The following TMEM40 variants were observed in gnomAD, a reference collection of about 807,000 sequenced individuals.
TMEM40 encodes transmembrane protein 40.
TMEM40 carries 34 observed loss-of-function variants against 40.8 expected under a neutral mutation model. That is an observed-to-expected ratio of 0.83 (90% CI 0.63 to 1.11). The LOEUF is 1.11. Ranked by LOEUF, TMEM40 falls within the 50% of genes least tolerant of loss-of-function variation. The pLI is 0.00. For synonymous variants in TMEM40, 106 were observed against 107.0 expected (o/e 0.99, Z 0.06); for missense variants, 296 against 280.2 (o/e 1.06, Z -0.40).
chr3:12,736,492 T>C, intron 10 of TMEM40, 86 bp downstream of exon 10: 2 of 1,482,650 alleles, frequency 1.3e-6, no homozygotes, highest in Non-Finnish European at 1.8e-6. Context: ...CTCTGGTCCA[T>C]ACTTGAATGA....
chr3:12,738,736 G>C, intron 5 of TMEM40, 148 bp from the exon 6 acceptor site: 1 of 763,358 alleles, frequency 1.3e-6, no homozygotes, highest in South Asian at 1.6e-5. Flanking sequence ...GAGGGTTCCT[G>C]TTCCAACTAA....
rs1450788139 is a variant in TMEM40, at chr3:12,736,799, A to AT, written c.508dup (p.Ile170AsnfsTer56). 6 of 1,614,128 alleles carry AT rather than the reference A, an allele frequency of 3.7e-6. No individual in the cohort carries two copies. The highest frequency in any genetic ancestry group is 5.1e-6 in the Non-Finnish European group (6 of 1,180,032). On this transcript the variant is annotated frameshift_variant, in exon 9 of 12. Coordinates refer to ENST00000314124, the MANE Select transcript of TMEM40 (RefSeq NM_018306.4). LOFTEE classifies it high-confidence loss of function. ...GTGATAACACACCAGCAAGGCCCCG[A>AT]TGGCAAAGCACAGGAGGACGAAATG...
At chr3:12,755,229 C>CCCTTTCTT (rs2061514645) in intron 1 of TMEM40, among the ~76,000 whole-genome samples, 1 of 65,504 alleles carries the variant, frequency 1.5e-5, no homozygotes, top group African/African-American at 6.5e-5. Flanking sequence ...CTCTCTCTCT[C>CCCTTTCTT]TCTCTCTTTC....
chr3:12,748,770 C>T lies in TMEM40; in HGVS notation c.96G>A (p.Lys32=). ...DVDYGETDFH[K]QDGKAGLFSQ... ...AAAAGAGTCCAGCCTTCCCATCTTG[C>T]TTGTGGAAATCTGTCTCTCCATCTA... Residue 32 remains lysine (K), a synonymous_variant, in exon 3 of 12, where the codon AAG becomes AAA. Coordinates refer to ENST00000314124, the MANE Select transcript of TMEM40 (RefSeq NM_018306.4). 1.2e-6 allele frequency: 2 copies of T among 1,614,100 alleles called. No individual in the cohort carries two copies. Among genetic ancestry groups the T allele is most frequent in the Middle Eastern group, 1.7e-4 (1 of 6,052 alleles).
chr3:12,745,226 ATTTTTTTTT>A (rs144839288), intron 3 of TMEM40, among the ~76,000 whole-genome samples: 3 of 127,142 alleles, frequency 2.4e-5, no homozygotes, highest in African/African-American at 9.4e-5. Flanking sequence ...CACCTGGCTA[ATTTTTTTTT>A]TTTTTTTTTT....
chr3:12,759,944 T>G (rs2061557347), upstream of TMEM40, among the ~76,000 whole-genome samples: 1 of 149,270 alleles, frequency 6.7e-6, no homozygotes, highest in Non-Finnish European at 1.5e-5. Flanking sequence ...AAACAAGTCC[T>G]ACCACGGGAG....
chr3:12,763,887 C>A (rs1237099312), upstream of TMEM40, among the ~76,000 whole-genome samples: 1 of 152,050 alleles, frequency 6.6e-6, no homozygotes, highest in Non-Finnish European at 1.5e-5. Context: ...CACCCAGGAG[C>A]CTGGTTCTTT....
At chr3:12,745,527 T>C (rs2106613035) in intron 3 of TMEM40, among the ~76,000 whole-genome samples, 1 of 152,144 alleles carries the variant, frequency 6.6e-6, no homozygotes, top group South Asian at 2.1e-4. Flanking sequence ...GGGCTTACTG[T>C]AGCCTTGACC....
chr3:12,748,576 G>T, intron 3 of TMEM40, 79 bp downstream of exon 3: 2 of 1,531,304 alleles, frequency 1.3e-6, no homozygotes, highest in South Asian at 1.2e-5. Flanking sequence ...GTACTTCAAT[G>T]ACTTCAAGTA....
intron 1 of TMEM40, among the ~76,000 whole-genome samples, chr3:12,755,223 CTCTCTCTCTCTCTTTCTTTCTT>C (rs1559533268): frequency 2.3e-5 from 2 of 85,732 alleles, no homozygotes; most frequent in African/African-American, 1.4e-4. Context: ...TTCTCTCTCT[CTCTCTCTCTCTCTTTCTTTCTT>C]TCTTTCTTTC....
intron 8 of TMEM40, chr3:12,737,477 T>C (rs2061346202): frequency 1.7e-6 from 1 of 592,278 alleles, no homozygotes; most frequent in Non-Finnish European, 3.0e-6. Context: ...GCCACTCCAC[T>C]CACAAGCTGT....
chr3:12,737,900 A>G (rs2061349491), intron 7 of TMEM40, 146 bp from the exon 8 acceptor site: 1 of 955,952 alleles, frequency 1.0e-6, no homozygotes, highest in East Asian at 2.6e-5. Flanking sequence ...CAAACTGTGA[A>G]GATGGGGGTA....
chr3:12,754,261 G>A (rs976851023), intron 1 of TMEM40, among the ~76,000 whole-genome samples: 24 of 152,120 alleles, frequency 1.6e-4, no homozygotes, highest in Non-Finnish European at 3.2e-4. Flanking sequence ...GCAGTGAGCC[G>A]AGACCGCACC....
intron 10 of TMEM40, among the ~76,000 whole-genome samples, chr3:12,735,990 T>G (rs1387162612): frequency 6.6e-6 from 1 of 151,764 alleles, no homozygotes; most frequent in African/African-American, 2.4e-5. Flanking sequence ...ATCTCCTGAG[T>G]AACTGGAATT....
intron 1 of TMEM40, among the ~76,000 whole-genome samples, chr3:12,752,721 C>G (rs2061488104): frequency 6.6e-6 from 1 of 151,942 alleles, no homozygotes; most frequent in Non-Finnish European, 1.5e-5. Flanking sequence ...TCACTTGAAC[C>G]CCGGAGGCAG....
At chr3:12,759,862 G>C (rs904371068), upstream of TMEM40, among the ~76,000 whole-genome samples, 14 of 152,096 alleles carry the variant, frequency 9.2e-5, no homozygotes, top group African/African-American at 2.9e-4. Flanking sequence ...ACACAGCCGA[G>C]GGCAGGGCCC....
At chr3:12,768,832 C>T (rs963687070) in intron 1 of TMEM40, among the ~76,000 whole-genome samples, 17 of 150,728 alleles carry the variant, frequency 1.1e-4, no homozygotes, top group African/African-American at 3.7e-4. Flanking sequence ...GACCGGGCGC[C>T]GTGGAGCAGG....
At chr3:12,749,675 G>C in intron 2 of TMEM40, 85 bp downstream of exon 2, 1 of 1,255,422 alleles carries the variant, frequency 8.0e-7, no homozygotes, top group South Asian at 1.3e-5. Flanking sequence ...AACGTGAGTT[G>C]AGCAGGGTCT....
At chr3:12,737,989 G>A in intron 7 of TMEM40, 147 bp downstream of exon 7, 3 of 1,112,010 alleles carry the variant, frequency 2.7e-6, no homozygotes, top group Non-Finnish European at 1.3e-6. Context: ...CCCTGCACTG[G>A]AGATCCCCCT....
Sources: allele counts gnomAD v4.1 joint callset (sites outside exome capture counted in the v4.1 genomes callset), GRCh38; gene constraint gnomAD v4.1.1; transcripts MANE v1.5; gene names NCBI Gene and HGNC (gene_info 2026-07-23, HGNC 2026-07-21).